Variants in OXR1 observed in about 807,000 individuals in gnomAD.
OXR1 encodes the protein oxidation resistance 1, also known as oxidation resistance protein 1.
A neutral mutation model predicts 104.6 loss-of-function variants in OXR1; 41 were observed. That is an observed-to-expected ratio of 0.39 (90% CI 0.31 to 0.51). OXR1 has a LOEUF of 0.51. Among genes scored for constraint, OXR1 ranks in the 20% least tolerant of loss-of-function variants. The pLI is 0.77. For missense variants in OXR1, 955 were observed against 1,031.9 expected (o/e 0.93, Z 1.02); for synonymous variants, 348 against 348.4 (o/e 1.00, Z 0.01).
chr8:106,611,714 C>T (rs575663105), intron 3 of OXR1, among the ~76,000 whole-genome samples: 32 of 152,186 alleles, frequency 2.1e-4, no homozygotes, highest in Non-Finnish European at 4.3e-4. Context: ...CCTAACTGTT[C>T]CAAAATTAAC....
At chr8:106,742,908 A>G (rs549593293) in intron 15 of OXR1, among the ~76,000 whole-genome samples, 11 of 152,196 alleles carry the variant, frequency 7.2e-5, no homozygotes, top group Non-Finnish European at 1.5e-4. Flanking sequence ...CATGACAACA[A>G]TGCCAAAAGC....
intron 2 of OXR1, among the ~76,000 whole-genome samples, chr8:106,505,116 A>G (rs1812070731): frequency 6.6e-6 from 1 of 152,238 alleles, no homozygotes; most frequent in Non-Finnish European, 1.5e-5. Context: ...ATTTTTACAT[A>G]ACTATTAGGA....
At chr8:106,629,796 T>C (rs1822508312) in intron 3 of OXR1, among the ~76,000 whole-genome samples, 1 of 152,010 alleles carries the variant, frequency 6.6e-6, no homozygotes. Context: ...AACATTATTT[T>C]TAACAAACTG....
intron 3 of OXR1, among the ~76,000 whole-genome samples, chr8:106,673,665 C>T (rs1364941927): frequency 3.3e-5 from 5 of 152,112 alleles, no homozygotes; most frequent in African/African-American, 1.2e-4. Context: ...TTGCCCTTCC[C>T]ATCACAGGCC....
intron 6 of OXR1, among the ~76,000 whole-genome samples, chr8:106,692,478 T>C (rs903764525): frequency 2.6e-5 from 4 of 152,096 alleles, no homozygotes; most frequent in African/African-American, 9.7e-5. Context: ...TTTATAGATA[T>C]GTGTATCTCC....
At chr8:106,316,402 C>G (rs1174450580) in intron 1 of OXR1, among the ~76,000 whole-genome samples, 3 of 152,162 alleles carry the variant, frequency 2.0e-5, no homozygotes, top group Admixed American at 2.0e-4. Context: ...AGAATCTACA[C>G]TGAGGACAGG....
At chr8:106,360,767 G>A (rs78895428) in intron 2 of OXR1, among the ~76,000 whole-genome samples, 7,172 of 152,090 alleles carry the variant, frequency 0.047, 553 homozygotes, top group African/African-American at 0.16. Flanking sequence ...TGTAATTTTT[G>A]TAGAACCTGT....
intron 15 of OXR1, among the ~76,000 whole-genome samples, chr8:106,745,288 G>A (rs1835289906): frequency 2.0e-5 from 3 of 152,244 alleles, no homozygotes; most frequent in African/African-American, 7.2e-5. Context: ...ACTGTTTAAA[G>A]AAATTGAAAC....
At chr8:106,519,541 G>C (rs572238674) in intron 3 of OXR1, among the ~76,000 whole-genome samples, 3 of 152,046 alleles carry the variant, frequency 2.0e-5, no homozygotes, top group Non-Finnish European at 4.4e-5. Flanking sequence ...AGGCTCCCAG[G>C]TCTCTGAACC....
At chr8:106,723,603 C>A (rs902690796) in intron 11 of OXR1, among the ~76,000 whole-genome samples, 2 of 151,720 alleles carry the variant, frequency 1.3e-5, no homozygotes, top group African/African-American at 4.8e-5. Flanking sequence ...ACCCAGGAGG[C>A]GGAGGTTACA....
At chr8:106,613,980 T>C (rs1027713698) in intron 3 of OXR1, among the ~76,000 whole-genome samples, 4 of 152,218 alleles carry the variant, frequency 2.6e-5, no homozygotes, top group Admixed American at 1.3e-4. Context: ...AAAGTGTTCA[T>C]TTTGGTGTTC....
At chr8:106,437,464 C>A (rs1303613210) in intron 2 of OXR1, among the ~76,000 whole-genome samples, 1 of 152,170 alleles carries the variant, frequency 6.6e-6, no homozygotes, top group African/African-American at 2.4e-5. Flanking sequence ...ACCAATGCAA[C>A]TGGTCTTTAT....
At chr8:106,526,486 T>C (rs1315893407) in intron 3 of OXR1, among the ~76,000 whole-genome samples, 1 of 152,120 alleles carries the variant, frequency 6.6e-6, no homozygotes, top group South Asian at 2.1e-4. Flanking sequence ...TAATTTAGAG[T>C]ATTGAAATTA....
At chr8:106,635,703 C>A (rs1045412060) in intron 3 of OXR1, among the ~76,000 whole-genome samples, 4 of 152,114 alleles carry the variant, frequency 2.6e-5, no homozygotes, top group Non-Finnish European at 5.9e-5. Context: ...CTGCCTCAGC[C>A]TCCAAAAGTA....
intron 2 of OXR1, among the ~76,000 whole-genome samples, chr8:106,516,522 C>T (rs946971140): frequency 6.6e-6 from 1 of 151,946 alleles, no homozygotes; most frequent in Non-Finnish European, 1.5e-5. Context: ...AGAAGTAGGG[C>T]GCTGGATAGG....
At chr8:106,705,107 A>G (rs562393997) in intron 8 of OXR1, among the ~76,000 whole-genome samples, 1 of 152,282 alleles carries the variant, frequency 6.6e-6, no homozygotes, top group South Asian at 2.1e-4. Context: ...AGAGTATAGC[A>G]CTTTTCTAAA....
intron 7 of OXR1, among the ~76,000 whole-genome samples, chr8:106,694,586 T>C (rs1371023652): frequency 1.3e-5 from 1 of 74,808 alleles, no homozygotes. Flanking sequence ...TAAATGTTTA[T>C]ATATATTTGA....
chr8:106,609,112 G>C (rs937649433), intron 3 of OXR1, among the ~76,000 whole-genome samples: 2 of 151,920 alleles, frequency 1.3e-5, no homozygotes, highest in East Asian at 3.9e-4. Flanking sequence ...TTAGTAAAAG[G>C]AAGAATGTGT....
intron 2 of OXR1, among the ~76,000 whole-genome samples, chr8:106,474,179 A>G (rs1195849055): frequency 6.6e-6 from 1 of 151,144 alleles, no homozygotes; most frequent in East Asian, 2.0e-4. Context: ...TGACAGGGGT[A>G]AATCTTATTT....
Sources: allele counts gnomAD v4.1 joint callset (sites outside exome capture counted in the v4.1 genomes callset), GRCh38; gene constraint gnomAD v4.1.1; transcripts MANE v1.5; gene names NCBI Gene and HGNC (gene_info 2026-07-23, HGNC 2026-07-21).